DARS1: variants seen among roughly 807,000 people sequenced by gnomAD.
DARS1 encodes aspartyl-tRNA synthetase 1, also known as aspartate--tRNA ligase, cytoplasmic.
In DARS1, 51 loss-of-function variants were observed where a neutral mutation model predicts 68.8. The observed-to-expected ratio is 0.74, with a 90% CI of 0.59 to 0.94. DARS1 has a LOEUF of 0.94. Among genes scored for constraint, DARS1 ranks in the 40% least tolerant of loss-of-function variants. The pLI is 0.00. For synonymous variants in DARS1, 203 were observed against 190.4 expected (o/e 1.07, Z -0.55); for missense variants, 607 against 597.3 (o/e 1.02, Z -0.17).
chr2:135,935,370 G>A (rs936358596), intron 5 of DARS1, among the ~76,000 whole-genome samples: 7 of 151,978 alleles, frequency 4.6e-5, no homozygotes, highest in Admixed American at 4.6e-4. Flanking sequence ...GCCGAGGCAG[G>A]CGGATCACGA....
At chr2:135,985,128 C>T in intron 1 of DARS1, 1 of 511,764 alleles carries the variant, frequency 2.0e-6, no homozygotes, top group East Asian at 3.0e-5. Context: ...CGCCGCGCTC[C>T]TACTTCCGGG....
intron 3 of DARS1, among the ~76,000 whole-genome samples, chr2:135,965,575 T>G (rs1260065327): frequency 6.6e-6 from 1 of 152,244 alleles, no homozygotes; most frequent in Non-Finnish European, 1.5e-5. Context: ...AATCGAATTA[T>G]TACTCAATGC....
At chr2:135,926,117 C>T (rs1246654012) in intron 7 of DARS1, among the ~76,000 whole-genome samples, 1 of 152,176 alleles carries the variant, frequency 6.6e-6, no homozygotes, top group African/African-American at 2.4e-5. Context: ...TCTTGAACCC[C>T]TGACCCCAGG....
chr2:135,912,820 G>A (rs1255652144), intron 12 of DARS1, among the ~76,000 whole-genome samples: 2 of 150,810 alleles, frequency 1.3e-5, no homozygotes, highest in Non-Finnish European at 2.9e-5. Flanking sequence ...TTTTTTAAGA[G>A]ATGGGGTCTT....
chr2:135,951,317 A>G (rs1681833859), intron 4 of DARS1, among the ~76,000 whole-genome samples: 1 of 152,190 alleles, frequency 6.6e-6, no homozygotes, highest in African/African-American at 2.4e-5. Flanking sequence ...TCAGTTCCAA[A>G]GAGTGGGTCA....
chr2:135,985,634 G>T (rs1467649608), upstream of DARS1: 9 of 1,443,606 alleles, frequency 6.2e-6, no homozygotes, highest in Admixed American at 2.5e-5. Flanking sequence ...GATCGCGAGA[G>T]CTGCGGCTAT....
chr2:135,964,962 G>C (rs1026114201), intron 3 of DARS1, among the ~76,000 whole-genome samples: 4 of 151,890 alleles, frequency 2.6e-5, no homozygotes, highest in African/African-American at 9.7e-5. Flanking sequence ...ACAGATGGGG[G>C]AGGAAGGGAA....
chr2:135,922,863 T>G lies in DARS1; in HGVS notation c.732A>C (p.Ala244=), dbSNP rs940489789. 1 of 1,586,098 alleles carries G rather than the reference T, an allele frequency of 6.3e-7. No individual in the cohort carries two copies. Among genetic ancestry groups the G allele is most frequent in the South Asian group, 1.2e-5 (1 of 85,118 alleles). ...VFTVSYFKNN[A]YLAQSPQLYK... is the part of the protein sequence containing the mutation. Reference sequence around the variant, plus strand: ...ATAGCTGTGGGGACTGAGCCAGGTATGCATTATTTTTAAAATATGACACAG... The same window carrying G: ...ATAGCTGTGGGGACTGAGCCAGGTAGGCATTATTTTTAAAATATGACACAG... The change falls in exon 9 of 16, where the codon GCA becomes GCC. Residue 244 remains alanine, a synonymous_variant. Transcript: ENST00000264161.
chr2:135,919,358 T>C (rs1261654963), intron 10 of DARS1, among the ~76,000 whole-genome samples: 1 of 152,190 alleles, frequency 6.6e-6, no homozygotes, highest in Non-Finnish European at 1.5e-5. Context: ...ACATACTCAT[T>C]AGCCCTGCAA....
intron 4 of DARS1, among the ~76,000 whole-genome samples, chr2:135,944,086 C>T (rs574874394): frequency 3.9e-5 from 6 of 152,144 alleles, no homozygotes; most frequent in Non-Finnish European, 5.9e-5. Context: ...AAAATAAATG[C>T]ATCTCCTGGA....
intron 4 of DARS1, among the ~76,000 whole-genome samples, chr2:135,953,375 C>T (rs1352494678): frequency 6.6e-6 from 1 of 152,134 alleles, no homozygotes; most frequent in African/African-American, 2.4e-5. Context: ...AAGATAAATT[C>T]TTATTTTAAA....
At position 135,979,375 on chromosome 2, in the gene DARS1, A is replaced by G; in HGVS notation, c.125-9T>C. 2 of 1,067,018 alleles carry G rather than the reference A, an allele frequency of 1.9e-6. No individual in the cohort carries two copies. Among genetic ancestry groups the G allele is most frequent in the Admixed American group, 1.9e-5 (1 of 53,860 alleles). 66.1% of individuals were successfully genotyped at this position (1,067,018 alleles called of 1,614,324 possible). A position where few individuals can be genotyped will look rare whatever the true frequency, so the allele number is the denominator to read the frequency against. On this transcript the variant is annotated splice_polypyrimidine_tract_variant and intron_variant, in intron 2 of 15. Coordinates refer to ENST00000264161, the MANE Select transcript of DARS1 (RefSeq NM_001349.4). ...CCGAACCAAAACTCGATCTGTAATAACAGTAAACGATTTTTATATAGTAAA... is the reference window on the plus strand; with the variant it reads ...CCGAACCAAAACTCGATCTGTAATAGCAGTAAACGATTTTTATATAGTAAA...
intron 4 of DARS1, among the ~76,000 whole-genome samples, chr2:135,945,279 C>T (rs1681695964): frequency 6.6e-6 from 1 of 152,146 alleles, no homozygotes; most frequent in Non-Finnish European, 1.5e-5. Context: ...AGGCATGTGC[C>T]ACCATGCCTG....
intron 4 of DARS1, among the ~76,000 whole-genome samples, chr2:135,960,325 A>T (rs1281379804): frequency 1.3e-5 from 2 of 152,214 alleles, no homozygotes; most frequent in Non-Finnish European, 2.9e-5. Flanking sequence ...ACTATGACGT[A>T]ATTTGATAAA....
intron 4 of DARS1, among the ~76,000 whole-genome samples, chr2:135,950,873 T>G (rs1681825196): frequency 6.6e-6 from 1 of 152,018 alleles, no homozygotes; most frequent in African/African-American, 2.4e-5. Context: ...CAGGGGAGTT[T>G]GTAGGGTGTT....
chr2:135,963,242 C>T (rs1261734953), intron 3 of DARS1, among the ~76,000 whole-genome samples: 1 of 152,164 alleles, frequency 6.6e-6, no homozygotes, highest in African/African-American at 2.4e-5. Context: ...AATTATTAAA[C>T]CACTTTATAT....
intron 5 of DARS1, among the ~76,000 whole-genome samples, chr2:135,936,912 T>C (rs1681483829): frequency 6.6e-6 from 1 of 152,166 alleles, no homozygotes; most frequent in Non-Finnish European, 1.5e-5. Context: ...CTCTTACATA[T>C]GGTCATGCAT....
intron 7 of DARS1, among the ~76,000 whole-genome samples, chr2:135,928,078 A>G (rs1681263373): frequency 6.6e-6 from 1 of 152,226 alleles, no homozygotes; most frequent in African/African-American, 2.4e-5. Context: ...CAAACTTTAT[A>G]CAGCAATCTT....
chr2:135,946,058 A>G (rs989098706), intron 4 of DARS1, among the ~76,000 whole-genome samples: 3 of 152,234 alleles, frequency 2.0e-5, no homozygotes, highest in Admixed American at 2.0e-4. Context: ...AAACATTAAA[A>G]TCAAAAAGGT....
Sources: allele counts gnomAD v4.1 joint callset (sites outside exome capture counted in the v4.1 genomes callset), GRCh38; gene constraint gnomAD v4.1.1; transcripts MANE v1.5; gene names NCBI Gene and HGNC (gene_info 2026-07-23, HGNC 2026-07-21).